Variants in GRM3 observed in about 807,000 individuals in gnomAD.
The protein encoded by GRM3 is glutamate metabotropic receptor 3.
GRM3 carries 26 observed loss-of-function variants against 70.5 expected under a neutral mutation model. That is an observed-to-expected ratio of 0.37 (90% CI 0.27 to 0.51). The LOEUF is 0.51. Among genes scored for constraint, GRM3 ranks in the 20% least tolerant of loss-of-function variants. GRM3 has a pLI of 0.93. For missense variants in GRM3, 859 were observed against 1,123.8 expected, an observed-to-expected ratio of 0.76 and a Z score of 3.37; for synonymous variants, 443 against 434.9, an observed-to-expected ratio of 1.02 and a Z score of -0.23.
chr7:86,686,993 A>G (rs1584165147), intron 1 of GRM3, among the ~76,000 whole-genome samples: 1 of 152,110 alleles, frequency 6.6e-6, no homozygotes, highest in East Asian at 1.9e-4. Context: ...TTAATAACAG[A>G]TTGGAAACAT....
At chr7:86,727,201 G>A (rs1372030887) in intron 1 of GRM3, among the ~76,000 whole-genome samples, 1 of 152,138 alleles carries the variant, frequency 6.6e-6, no homozygotes, top group East Asian at 1.9e-4. Context: ...CTTAATGGAA[G>A]AAATGTCATT....
At chr7:86,740,691 A>G (rs1044916169) in intron 1 of GRM3, among the ~76,000 whole-genome samples, 3 of 152,200 alleles carry the variant, frequency 2.0e-5, no homozygotes, top group African/African-American at 7.2e-5. Context: ...CTGTGAATCA[A>G]GACCCTCTTA....
At chr7:86,844,930 C>T (rs1798627813) in intron 4 of GRM3, among the ~76,000 whole-genome samples, 1 of 152,014 alleles carries the variant, frequency 6.6e-6, no homozygotes, top group Non-Finnish European at 1.5e-5. Flanking sequence ...GCTCTTGTCA[C>T]CCAGGCTAGA....
chr7:86,771,432 T>C (rs1796737627), intron 2 of GRM3, among the ~76,000 whole-genome samples: 2 of 152,094 alleles, frequency 1.3e-5, no homozygotes, highest in South Asian at 4.1e-4. Context: ...ATGCCATGAA[T>C]TAAGCATCTT....
intron 1 of GRM3, among the ~76,000 whole-genome samples, chr7:86,658,852 A>T (rs1249337774): frequency 2.2e-5 from 3 of 133,706 alleles, no homozygotes; most frequent in Non-Finnish European, 3.2e-5. Context: ...CTGTTATACT[A>T]AAAAAAAAAA....
chr7:86,712,653 C>T lies in GRM3; in HGVS notation c.-140-52353C>T, dbSNP rs1044930104. Reference sequence around the variant, plus strand: ...GCATGGCCTTACCCCTCTACTCTTCCCAGCCTCTGGGGACTGATCTATTCT... The same window carrying T: ...GCATGGCCTTACCCCTCTACTCTTCTCAGCCTCTGGGGACTGATCTATTCT... On this transcript the variant is annotated intron_variant, in intron 1 of 5. Coordinates refer to ENST00000361669, the MANE Select transcript of GRM3 (RefSeq NM_000840.3). Among the ~76,000 whole-genome samples, 5 of 152,098 alleles carry T rather than the reference C, an allele frequency of 3.3e-5. No individual in the cohort carries two copies. The East Asian group carries it at 9.7e-4, about 29-fold the overall frequency.
chr7:86,693,691 G>C (rs984134315), intron 1 of GRM3, among the ~76,000 whole-genome samples: 3 of 152,164 alleles, frequency 2.0e-5, no homozygotes. Context: ...ATCTCAGGTA[G>C]CAGGTTATCT....
intron 2 of GRM3, among the ~76,000 whole-genome samples, chr7:86,781,958 T>A (rs1200100469): frequency 6.6e-6 from 1 of 152,054 alleles, no homozygotes; most frequent in Non-Finnish European, 1.5e-5. Flanking sequence ...AAAGTCATGG[T>A]CCTCCAGGCT....
chr7:86,657,557 G>A (rs1039735535), intron 1 of GRM3, among the ~76,000 whole-genome samples: 10 of 152,152 alleles, frequency 6.6e-5, no homozygotes, highest in Admixed American at 3.9e-4. Context: ...GGGGGTCAGG[G>A]CAGAAGATAA....
intron 1 of GRM3, among the ~76,000 whole-genome samples, chr7:86,680,145 T>A (rs984274359): frequency 1.3e-5 from 2 of 152,118 alleles, no homozygotes; most frequent in Non-Finnish European, 2.9e-5. Flanking sequence ...GAAAGGCACA[T>A]GAGGTTCTAG....
intron 1 of GRM3, among the ~76,000 whole-genome samples, chr7:86,718,866 A>G (rs1284948724): frequency 6.6e-6 from 1 of 152,004 alleles, no homozygotes; most frequent in Non-Finnish European, 1.5e-5. Context: ...CTTGGCAGAA[A>G]CAGTGAGGCC....
chr7:86,766,871 C>A (rs1407243258), intron 2 of GRM3, among the ~76,000 whole-genome samples: 1 of 152,032 alleles, frequency 6.6e-6, no homozygotes, highest in Non-Finnish European at 1.5e-5. Flanking sequence ...GCTATATTTG[C>A]GTTGGAATAA....
At chr7:86,783,362 T>C (rs1797128713) in intron 2 of GRM3, among the ~76,000 whole-genome samples, 1 of 152,198 alleles carries the variant, frequency 6.6e-6, no homozygotes, top group African/African-American at 2.4e-5. Flanking sequence ...TCAAAACACC[T>C]GGTTTTACAC....
At chr7:86,670,111 T>C (rs1794133212) in intron 1 of GRM3, among the ~76,000 whole-genome samples, 1 of 152,242 alleles carries the variant, frequency 6.6e-6, no homozygotes, top group Non-Finnish European at 1.5e-5. Flanking sequence ...GTTTCCTTAA[T>C]GTAAGTATTT....
chr7:86,739,454 G>C (rs1795936012), intron 1 of GRM3, among the ~76,000 whole-genome samples: 1 of 152,052 alleles, frequency 6.6e-6, no homozygotes, highest in Admixed American at 6.6e-5. Context: ...TTGTCTTTCT[G>C]TGCCTGATTG....
intron 1 of GRM3, 69 bp from the exon 2 acceptor site, chr7:86,764,937 T>A (rs1413707099): frequency 5.3e-6 from 6 of 1,121,908 alleles, no homozygotes; most frequent in Non-Finnish European, 6.0e-6. Flanking sequence ...AAGGTCTGAT[T>A]GGGCATGATC....
chr7:86,714,268 C>T (rs1795264056), intron 1 of GRM3, among the ~76,000 whole-genome samples: 1 of 152,046 alleles, frequency 6.6e-6, no homozygotes. Flanking sequence ...GACCCAATTT[C>T]ATGTGATGTA....
At chr7:86,754,503 A>G (rs1290890423) in intron 1 of GRM3, among the ~76,000 whole-genome samples, 2 of 152,150 alleles carry the variant, frequency 1.3e-5, no homozygotes, top group African/African-American at 4.8e-5. Flanking sequence ...AAGAGCTGTC[A>G]TTAATACAGT....
intron 1 of GRM3, among the ~76,000 whole-genome samples, chr7:86,678,100 C>G (rs568607635): frequency 2.0e-5 from 3 of 151,794 alleles, no homozygotes; most frequent in African/African-American, 4.8e-5. Context: ...GAATTTGGTT[C>G]TAACTTTAAA....
Sources: gnomAD v4.1 joint callset for allele counts (sites outside exome capture counted in the v4.1 genomes callset) on GRCh38, gnomAD v4.1.1 for gene constraint, MANE v1.5 for transcripts, NCBI Gene and HGNC (gene_info 2026-07-23, HGNC 2026-07-21) for gene names.